The following WNK1 variants were observed in gnomAD, a reference collection of about 807,000 sequenced individuals.
WNK1 encodes WNK lysine deficient protein kinase 1.
Under a neutral mutation model 222.8 loss-of-function variants are expected in WNK1, and 38 were observed. The ratio of observed to expected loss-of-function variants is 0.17; its 90% confidence interval spans 0.13 to 0.22. The LOEUF (loss-of-function observed/expected upper bound fraction) is 0.22. Ranked by LOEUF, WNK1 falls within the 10% of genes least tolerant of loss-of-function variation. The pLI is 1.00. For synonymous variants in WNK1, 1,090 were observed against 1,092.9 expected (o/e 1.00, Z 0.05); for missense variants, 2,348 against 2,918.4 (o/e 0.80, Z 4.50).
At chr12:829,865 C>G in intron 3 of WNK1, 138 bp from the exon 4 acceptor site, 1 of 868,862 alleles carries the variant, frequency 1.2e-6, no homozygotes, top group Non-Finnish European at 1.9e-6. Context: ...GATTTCCTTC[C>G]TCTTTTCTCC....
At chr12:773,266 A>G (rs1212624287) in intron 1 of WNK1, among the ~76,000 whole-genome samples, 1 of 152,170 alleles carries the variant, frequency 6.6e-6, no homozygotes, top group Non-Finnish European at 1.5e-5. Flanking sequence ...CTCAAAAAAA[A>G]AAAAGTTCTT....
At chr12:888,061 G>A (rs533311780) in intron 20 of WNK1, among the ~76,000 whole-genome samples, 3 of 152,306 alleles carry the variant, frequency 2.0e-5, no homozygotes, top group African/African-American at 7.2e-5. Context: ...AGTACTAATT[G>A]TGAATCTGTT....
chr12:776,695 G>A (rs1034337184), intron 1 of WNK1, among the ~76,000 whole-genome samples: 1 of 152,122 alleles, frequency 6.6e-6, no homozygotes, highest in East Asian at 1.9e-4. Context: ...CTCCCAAAGC[G>A]CTGGGATTAC....
At chr12:879,016 T>A (rs1952881597) in intron 10 of WNK1, among the ~76,000 whole-genome samples, 1 of 152,160 alleles carries the variant, frequency 6.6e-6, no homozygotes, top group Admixed American at 6.5e-5. Flanking sequence ...TTCTCACATG[T>A]TAAAATGATC....
chr12:835,963 A>C (rs1245909888), intron 4 of WNK1, among the ~76,000 whole-genome samples: 1 of 152,160 alleles, frequency 6.6e-6, no homozygotes. Flanking sequence ...AAAAAAAAAA[A>C]AATTGATAAC....
chr12:873,439 T>C (rs1329820646), intron 9 of WNK1, among the ~76,000 whole-genome samples: 1 of 152,206 alleles, frequency 6.6e-6, no homozygotes, highest in African/African-American at 2.4e-5. Context: ...GTTTCAGTGA[T>C]GTTTTTGTTT....
intron 1 of WNK1, among the ~76,000 whole-genome samples, chr12:772,803 T>A (rs1237956652): frequency 6.6e-6 from 1 of 152,164 alleles, no homozygotes; most frequent in Non-Finnish European, 1.5e-5. Flanking sequence ...TAAATTATTT[T>A]TTTCACTTCC....
At chr12:764,647 A>AG (rs1941447467) in intron 1 of WNK1, among the ~76,000 whole-genome samples, 1 of 144,698 alleles carries the variant, frequency 6.9e-6, no homozygotes, top group Non-Finnish European at 1.5e-5. Context: ...AAAAAAAAAA[A>AG]AAAAAAAGAA....
At chr12:906,839 T>C (rs1301722680) in intron 26 of WNK1, 3 of 749,994 alleles carry the variant, frequency 4.0e-6, no homozygotes, top group Non-Finnish European at 4.9e-6. Context: ...CAGCAGTTCA[T>C]GACTAAGCAA....
intron 1 of WNK1, among the ~76,000 whole-genome samples, chr12:776,798 A>G (rs926107638): frequency 1.3e-5 from 2 of 152,174 alleles, no homozygotes; most frequent in African/African-American, 2.4e-5. Flanking sequence ...GAGAAGTTGC[A>G]TTGTATGGTT....
chr12:884,784 G>A lies in WNK1; in HGVS notation c.3980G>A (p.Ser1327Asn). 6.2e-7 allele frequency: 1 copy of A among 1,614,112 alleles called. No individual in the cohort carries two copies. Among genetic ancestry groups the A allele is most frequent in the Non-Finnish European group, 8.5e-7 (1 of 1,180,026 alleles). ...CCCAACACAGCACCTCCAAACTTTA[G>A]TCATACAGGACCAACATTTCCAGTA... ...EGPNTAPPNF[S>N]HTGPTFPVVP... Residue 1327 changes from serine (S) to asparagine (N), a missense_variant, in exon 19 of 28, where the codon AGT (serine) becomes AAT (asparagine). Physicochemically the swap from Ser to Asn is conservative, Grantham distance 46 (BLOSUM62 1). Around this residue, in one of 13 missense-constraint regions of WNK1, gnomAD observed 1,144 missense variants for 1,273.6 expected, o/e 0.90. Transcript: ENST00000315939. The surrounding 1 kb of genome is among the most constrained non-coding windows in gnomAD (Gnocchi z 5.6).
At chr12:886,160 C>T in intron 19 of WNK1, 76 bp downstream of exon 19, 1 of 1,289,930 alleles carries the variant, frequency 7.8e-7, no homozygotes, top group Non-Finnish European at 1.1e-6. Context: ...TTTTTCACTT[C>T]AGCCTTGTAA....
chr12:818,079 G>A (rs1947524651), intron 2 of WNK1, among the ~76,000 whole-genome samples: 1 of 152,208 alleles, frequency 6.6e-6, no homozygotes, highest in South Asian at 2.1e-4. Context: ...GTGGCACTTA[G>A]TACATTCACA....
intron 1 of WNK1, among the ~76,000 whole-genome samples, chr12:777,170 G>GTT (rs200606655): frequency 6.7e-5 from 8 of 119,726 alleles, no homozygotes; most frequent in Non-Finnish European, 1.2e-4. Context: ...TTTTTTTTTT[G>GTT]TTTTTTTTTT....
At chr12:867,923 T>C (rs995660426) in intron 8 of WNK1, 20 of 1,613,888 alleles carry the variant, frequency 1.2e-5, no homozygotes, top group Non-Finnish European at 1.5e-5. Flanking sequence ...ATCACAGATA[T>C]TTTTCCCAAC....
rs780699781 is a variant in WNK1, at chr12:753,752, A to C, written c.187A>C (p.Lys63Gln). The change falls in exon 1 of 28, where the codon AAG becomes CAG. Residue 63 changes from lysine to glutamine, a missense_variant. By Grantham distance (53) the Lys-to-Gln change is moderately conservative. Coordinates refer to ENST00000315939, the MANE Select transcript of WNK1 (RefSeq NM_018979.4). This position sits in a 1 kb window ranked among gnomAD's most constrained non-coding sequence, Gnocchi z 5.2. ...CAGGCGCCGCCGCCACACTATGGAC[A>C]AGGACAGCCGTGGGGCGGCCGCGAC... ...EYRRRRHTMD[K>Q]DSRGAAATTT... The C allele has an allele frequency of 1.4e-5, 23 of 1,612,166 alleles. No individual in the cohort carries two copies. Among genetic ancestry groups the C allele is most frequent in the Non-Finnish European group, 1.9e-5 (22 of 1,179,878 alleles).
intron 1 of WNK1, among the ~76,000 whole-genome samples, chr12:788,410 T>C (rs1467706509): frequency 6.6e-6 from 1 of 152,184 alleles, no homozygotes; most frequent in African/African-American, 2.4e-5. Flanking sequence ...TATACTCTGC[T>C]AACATGAGAT....
chr12:811,275 C>T (rs1272597834), intron 1 of WNK1, among the ~76,000 whole-genome samples: 6 of 152,012 alleles, frequency 3.9e-5, no homozygotes, highest in African/African-American at 1.2e-4. Context: ...CTTATTTTAC[C>T]TTCAGCTGTA....
intron 4 of WNK1, among the ~76,000 whole-genome samples, chr12:843,361 A>G (rs1332582051): frequency 6.6e-6 from 1 of 152,240 alleles, no homozygotes; most frequent in Non-Finnish European, 1.5e-5. Flanking sequence ...AAATTAAAAT[A>G]GAATTTGCAA....
Sources: gnomAD v4.1 joint callset for allele counts (sites outside exome capture counted in the v4.1 genomes callset) on GRCh38, gnomAD v4.1.1 for gene constraint, gnomAD v4.1.1 regional missense constraint, Gnocchi (gnomAD v3.1) non-coding constraint, MANE v1.5 for transcripts, NCBI Gene and HGNC (gene_info 2026-07-23, HGNC 2026-07-21) for gene names.